Variants in SPATA12 observed in about 807,000 individuals in gnomAD.
SPATA12 encodes the protein spermatogenesis-associated protein 12.
For synonymous variants in SPATA12, 85 were observed against 89.2 expected (o/e 0.95, Z 0.26); for missense variants, 219 against 226.4 (o/e 0.97, Z 0.21).
intron 1 of SPATA12, among the ~76,000 whole-genome samples, chr3:57,062,614 C>T (rs1468259503): frequency 2.0e-5 from 3 of 152,178 alleles, no homozygotes; most frequent in African/African-American, 7.2e-5. Flanking sequence ...GCTGCTCTAG[C>T]CACTCAGCAA....
chr3:57,069,298 AAC>A (rs1700603828), intron 1 of SPATA12, among the ~76,000 whole-genome samples: 1 of 152,010 alleles, frequency 6.6e-6, no homozygotes, highest in African/African-American at 2.4e-5. Flanking sequence ...ACAAACTAAA[AAC>A]ACAGTCCAAA....
chr3:57,070,542 AC>A (rs1705828701), intron 1 of SPATA12, among the ~76,000 whole-genome samples: 1 of 152,090 alleles, frequency 6.6e-6, no homozygotes, highest in Non-Finnish European at 1.5e-5. Flanking sequence ...AGATGGCAAA[AC>A]TCCCCAAGTG....
At chr3:57,069,648 C>CT (rs11336340) in intron 1 of SPATA12, among the ~76,000 whole-genome samples, 5 of 151,404 alleles carry the variant, frequency 3.3e-5, no homozygotes, top group Admixed American at 1.3e-4. Context: ...GTAAACTAAG[C>CT]TTTTTTTTTT....
chr3:57,074,424 C>G lies in SPATA12; in HGVS notation c.*157C>G. ...GATATCACTTTTTCCAAGAAGCCTC[C>G]CTGTCACACTTCCCCAATATCACAG... On this transcript the variant is annotated 3_prime_UTR_variant, in exon 2 of 2. Transcript: ENST00000334325. 1.5e-6 allele frequency: 1 copy of G among 646,600 alleles called. No homozygotes were observed. The highest frequency in any genetic ancestry group is 2.7e-6 in the Non-Finnish European group (1 of 364,460). 40.1% of individuals were successfully genotyped at this position (646,600 alleles called of 1,614,324 possible). A position where few individuals can be genotyped will look rare whatever the true frequency, so the allele number is the denominator to read the frequency against.
chr3:57,062,337 G>A (rs1050118441), intron 1 of SPATA12, among the ~76,000 whole-genome samples: 1 of 152,164 alleles, frequency 6.6e-6, no homozygotes, highest in Non-Finnish European at 1.5e-5. Context: ...GCCTGGCAAG[G>A]GTGGCTTGTG....
chr3:57,065,429 C>G (rs1362569283), intron 1 of SPATA12, among the ~76,000 whole-genome samples: 1 of 151,796 alleles, frequency 6.6e-6, no homozygotes, highest in Non-Finnish European at 1.5e-5. Context: ...TCACTGCACT[C>G]CAGCCTGGGC....
chr3:57,069,133 G>A (rs1340765254), intron 1 of SPATA12, among the ~76,000 whole-genome samples: 1 of 151,954 alleles, frequency 6.6e-6, no homozygotes, highest in Non-Finnish European at 1.5e-5. Flanking sequence ...ATCTTGGCCA[G>A]GCTGGTCTTG....
intron 1 of SPATA12, among the ~76,000 whole-genome samples, chr3:57,062,710 A>ACACACACACAACAAACATG (rs1232984938): frequency 2.0e-5 from 3 of 152,138 alleles, no homozygotes; most frequent in Non-Finnish European, 4.4e-5. Context: ...ATGCACACAC[A>ACACACACACAACAAACATG]CACACACACA....
chr3:57,074,144 T>G lies in SPATA12; in HGVS notation c.450T>G (p.Asp150Glu). The G allele has an allele frequency of 6.2e-7, 1 of 1,614,126 alleles. No homozygotes were observed. Among genetic ancestry groups the G allele is most frequent in the Non-Finnish European group, 8.5e-7 (1 of 1,180,006 alleles). ...TTGWLWRLCE[D>E]IDAEPSSTGC... ...GATGGTTGTGGAGACTGTGTGAGGA[T>G]ATAGATGCCGAGCCCAGTAGCACAG... Residue 150 changes from aspartate to glutamate, a missense_variant, in exon 2 of 2, where the codon GAT becomes GAG. Coordinates refer to ENST00000334325, the MANE Select transcript of SPATA12 (RefSeq NM_181727.2).
Position 57,074,182 on chromosome 3 carries a change from C to A in SPATA12, c.488C>A (p.Ser163Ter), listed in dbSNP as rs986969653. The change falls in exon 2 of 2, where the codon TCA (serine) becomes TAA (stop). Residue 163 changes from serine (S) to a stop codon, truncating the protein, a stop_gained. Transcript: ENST00000334325. LOFTEE classifies it low-confidence loss of function (END_TRUNC). ...CCCAGTAGCACAGGGTGCAGCCGTTCAAACCAACTGACATTTACTGAGGGC... is the reference window on the plus strand; with the variant it reads ...CCCAGTAGCACAGGGTGCAGCCGTTAAAACCAACTGACATTTACTGAGGGC... Reference protein sequence around the residue: ...AEPSSTGCSRSNQLTFTEGCF... With the variant: ...AEPSSTGCSR 3 of 1,614,020 alleles carry A rather than the reference C, an allele frequency of 1.9e-6. No homozygotes were observed. The African/African-American group carries it at 4.0e-5, about 22-fold the overall frequency.
At chr3:57,064,717 T>C (rs1293866768) in intron 1 of SPATA12, among the ~76,000 whole-genome samples, 1 of 152,218 alleles carries the variant, frequency 6.6e-6, no homozygotes, top group Non-Finnish European at 1.5e-5. Flanking sequence ...ATTCCACTTA[T>C]ATGAGGTATC....
chr3:57,064,960 G>C (rs1705442357), intron 1 of SPATA12, among the ~76,000 whole-genome samples: 1 of 152,202 alleles, frequency 6.6e-6, no homozygotes, highest in Non-Finnish European at 1.5e-5. Flanking sequence ...AATTTTTTGA[G>C]ACACAATAGA....
At chr3:57,064,437 T>C (rs1018194303) in intron 1 of SPATA12, among the ~76,000 whole-genome samples, 1 of 151,962 alleles carries the variant, frequency 6.6e-6, no homozygotes, top group Non-Finnish European at 1.5e-5. Context: ...GATCCTCCCA[T>C]CTCAGCCCCC....
chr3:57,074,125 T>G lies in SPATA12; in HGVS notation c.431T>G (p.Leu144Trp). 2.5e-6 allele frequency: 4 copies of G among 1,614,010 alleles called. No homozygotes were observed. Among genetic ancestry groups the G allele is most frequent in the African/African-American group, 2.7e-5 (2 of 75,024 alleles). Residue 144 changes from leucine to tryptophan, a missense_variant, in exon 2 of 2, where the codon TTG (leucine) becomes TGG (tryptophan). Leu to Trp is a moderately conservative substitution (Grantham distance 61). Coordinates refer to ENST00000334325, the MANE Select transcript of SPATA12 (RefSeq NM_181727.2). ...DGDNERTTGW[L>W]WRLCEDIDAE... ...GATAATGAGAGGACCACAGGATGGT[T>G]GTGGAGACTGTGTGAGGATATAGAT...
At chr3:57,064,322 T>C (rs547205335) in intron 1 of SPATA12, among the ~76,000 whole-genome samples, 2 of 148,686 alleles carry the variant, frequency 1.3e-5, no homozygotes, top group South Asian at 2.1e-4. Flanking sequence ...TTTTTTTCTT[T>C]CTTTTTTTTT....
At chr3:57,069,795 C>G (rs1380861101) in intron 1 of SPATA12, among the ~76,000 whole-genome samples, 1 of 152,134 alleles carries the variant, frequency 6.6e-6, no homozygotes, top group Non-Finnish European at 1.5e-5. Context: ...CAGACATGTG[C>G]CGTCACACCC....
chr3:57,064,364 T>C (rs972085482), intron 1 of SPATA12, among the ~76,000 whole-genome samples: 2 of 152,020 alleles, frequency 1.3e-5, no homozygotes, highest in African/African-American at 4.8e-5. Context: ...CCCTCTGTTA[T>C]CCAGGCTGGG....
chr3:57,070,904 C>A (rs547134854), intron 1 of SPATA12, among the ~76,000 whole-genome samples: 1 of 146,172 alleles, frequency 6.8e-6, no homozygotes, highest in Non-Finnish European at 1.5e-5. Flanking sequence ...CCCAGGAGGT[C>A]GAGGCTACAG....
In SPATA12 at chr3:57,074,392, C is replaced by A; in HGVS notation, c.*125C>A. The A allele has an allele frequency of 1.3e-6, 1 of 777,118 alleles. No individual in the cohort carries two copies. Among genetic ancestry groups the A allele is most frequent in the Non-Finnish European group, 2.1e-6 (1 of 467,082 alleles). 48.1% of individuals were successfully genotyped at this position (777,118 alleles called of 1,614,324 possible). A position where few individuals can be genotyped will look rare whatever the true frequency, so the allele number is the denominator to read the frequency against. The stretch of plus-strand genomic sequence containing the variant: ...GACTCGTAGCCATCCCTTTCTGCAT[C>A]TTCTTAGATATCACTTTTTCCAAGA... On this transcript the variant is annotated 3_prime_UTR_variant, in exon 2 of 2. Transcript: ENST00000334325.
Sources: gnomAD v4.1 joint callset for allele counts (sites outside exome capture counted in the v4.1 genomes callset) on GRCh38, gnomAD v4.1.1 for gene constraint, MANE v1.5 for transcripts, NCBI Gene and HGNC (gene_info 2026-07-23, HGNC 2026-07-21) for gene names.